The following GLIS3 variants were observed in gnomAD, a reference collection of about 807,000 sequenced individuals.
GLIS3 encodes GLIS family zinc finger 3.
A neutral mutation model predicts 78.6 loss-of-function variants in GLIS3; 53 were observed. The observed-to-expected ratio is 0.67, with a 90% CI of 0.54 to 0.85. GLIS3 has a LOEUF of 0.85. Ranked by LOEUF, GLIS3 falls within the 40% of genes least tolerant of loss-of-function variation. The pLI is 0.00. For synonymous variants in GLIS3, 684 were observed against 509.9 expected (o/e 1.34, Z -4.60); for missense variants, 1,703 against 1,231.1 (o/e 1.38, Z -5.74).
intron 2 of GLIS3, chr9:4,145,005 C>T (rs1457631961): frequency 6.6e-6 from 1 of 152,202 alleles, no homozygotes; most frequent in Non-Finnish European, 1.5e-5. Flanking sequence ...TTGTTTTTAA[C>T]AACTGCAGAA....
chr9:4,129,596 C>T (rs471523), intron 2 of GLIS3, among the ~76,000 whole-genome samples: 6,919 of 152,260 alleles, frequency 0.045, 175 homozygotes, highest in Admixed American at 0.075. Context: ...CCTGTTTCCC[C>T]TTCGCCTTCC....
intron 2 of GLIS3, among the ~76,000 whole-genome samples, chr9:4,221,364 G>T (rs989078194): frequency 6.6e-6 from 1 of 152,080 alleles, no homozygotes; most frequent in Admixed American, 6.6e-5. Flanking sequence ...AAATATATTG[G>T]TAACAAATGA....
chr9:4,278,634 G>A (rs564580490), intron 2 of GLIS3, among the ~76,000 whole-genome samples: 1 of 152,162 alleles, frequency 6.6e-6, no homozygotes, highest in Non-Finnish European at 1.5e-5. Flanking sequence ...AAACATAGCA[G>A]GAATAAAAGA....
the GLIS3 span, among the ~76,000 whole-genome samples, chr9:4,466,997 C>A: frequency 2.0e-5 from 3 of 152,250 alleles, no homozygotes; most frequent in Admixed American, 6.5e-5. Context: ...CCGCACCTGG[C>A]TCGGCGGGTC....
rs528579514 is a variant in GLIS3 at position 4,025,322 on chromosome 9, C to T, written c.1711-88133G>A. ...AATAAAGGATGAGCAAATGGATGGACGGAAAAATAAAGCCTCTAGATATCA... is the reference window on the plus strand; with the variant it reads ...AATAAAGGATGAGCAAATGGATGGATGGAAAAATAAAGCCTCTAGATATCA... On this transcript the variant is annotated intron_variant, in intron 4 of 10. Coordinates refer to ENST00000381971, the MANE Select transcript of GLIS3 (RefSeq NM_001042413.2). Among the ~76,000 whole-genome samples the T allele has an allele frequency of 1.1e-4, 16 of 152,148 alleles. 1 individual carries two copies. The highest frequency in any genetic ancestry group is 2.4e-4 in the African/African-American group (10 of 41,510).
chr9:4,452,853 G>A, the GLIS3 span, among the ~76,000 whole-genome samples: 2 of 152,024 alleles, frequency 1.3e-5, no homozygotes, highest in African/African-American at 2.4e-5. Context: ...CCATATAGCC[G>A]AGACAACCCT....
At chr9:3,891,366 C>T (rs1001151454) in intron 7 of GLIS3, among the ~76,000 whole-genome samples, 5 of 151,918 alleles carry the variant, frequency 3.3e-5, no homozygotes, top group African/African-American at 7.3e-5. Context: ...TTGGCTAAAG[C>T]GATGATCACA....
intron 2 of GLIS3, among the ~76,000 whole-genome samples, chr9:4,211,313 G>T (rs74526649): frequency 0.11 from 17,180 of 152,172 alleles, 1,084 homozygotes; most frequent in African/African-American, 0.16. Flanking sequence ...ATTCTCACTG[G>T]ATGGCTGTCA....
chr9:4,088,202 C>A (rs1334033353), intron 4 of GLIS3, among the ~76,000 whole-genome samples: 1 of 152,330 alleles, frequency 6.6e-6, no homozygotes, highest in Admixed American at 6.5e-5. Context: ...TCATGTACCT[C>A]AATCCTTCTA....
the GLIS3 span, among the ~76,000 whole-genome samples, chr9:4,427,490 G>A: frequency 2.0e-5 from 3 of 152,142 alleles, no homozygotes; most frequent in Non-Finnish European, 2.9e-5. Context: ...CCTTGAGCCT[G>A]AAGCCCAGTC....
At chr9:4,437,296 G>A in the GLIS3 span, among the ~76,000 whole-genome samples, 1 of 152,114 alleles carries the variant, frequency 6.6e-6, no homozygotes, top group Non-Finnish European at 1.5e-5. Flanking sequence ...AAACCACAAG[G>A]AAATAAAAGA....
At position 3,859,350 on chromosome 9, in the gene GLIS3, AACACACACACACACAC is replaced by A. The variant is rs34973607; in HGVS notation, c.2298-3182_2298-3167del. Among the ~76,000 whole-genome samples the A allele has an allele frequency of 4.5e-4, 67 of 148,964 alleles. No homozygotes were observed. The Middle Eastern group carries it at 0.01, about 23-fold the overall frequency. On this transcript the variant is annotated intron_variant, in intron 8 of 10. Transcript: ENST00000381971. Reference sequence around the variant, plus strand: ...CTACTTTCCAACCCTGTTTCTTCGAAACACACACACACACACACACACACACACACACACACACACA... The same window carrying A: ...CTACTTTCCAACCCTGTTTCTTCGAAACACACACACACACACACACACACA...
chr9:4,215,028 G>T (rs193257227), intron 2 of GLIS3, among the ~76,000 whole-genome samples: 75 of 152,288 alleles, frequency 4.9e-4, no homozygotes, highest in African/African-American at 1.8e-3. Flanking sequence ...ACAGTGATTA[G>T]AACAAAAACG....
intron 2 of GLIS3, among the ~76,000 whole-genome samples, chr9:4,342,363 C>CA (rs1817847170): frequency 6.6e-6 from 1 of 152,196 alleles, no homozygotes; most frequent in African/African-American, 2.4e-5. Flanking sequence ...TCGCTTTCCC[C>CA]ATTGCCTGTT....
the GLIS3 span, among the ~76,000 whole-genome samples, chr9:4,485,778 T>G: frequency 6.6e-6 from 1 of 150,630 alleles, no homozygotes; most frequent in Non-Finnish European, 1.5e-5. Flanking sequence ...TGGAGTGCAA[T>G]GTCGCAATCT....
chr9:4,189,819 C>T (rs1818161771), intron 2 of GLIS3, among the ~76,000 whole-genome samples: 1 of 151,350 alleles, frequency 6.6e-6, no homozygotes, highest in Non-Finnish European at 1.5e-5. Context: ...ATTGCAACCC[C>T]TGCCTTTTTT....
At chr9:4,448,745 G>A in the GLIS3 span, among the ~76,000 whole-genome samples, 1 of 152,180 alleles carries the variant, frequency 6.6e-6, no homozygotes, top group Non-Finnish European at 1.5e-5. Context: ...CTAGCACCAT[G>A]CTGAATTGAA....
chr9:4,225,664 T>G (rs1821707497), intron 2 of GLIS3, among the ~76,000 whole-genome samples: 1 of 152,160 alleles, frequency 6.6e-6, no homozygotes, highest in African/African-American at 2.4e-5. Flanking sequence ...TCACGGTACT[T>G]CAACCACATC....
chr9:4,473,855 G>A, the GLIS3 span, among the ~76,000 whole-genome samples: 2 of 152,056 alleles, frequency 1.3e-5, no homozygotes, highest in Non-Finnish European at 2.9e-5. Context: ...CTTAGATACT[G>A]AGAGAAAAAC....
Sources: allele counts gnomAD v4.1 joint callset (sites outside exome capture counted in the v4.1 genomes callset), GRCh38; gene constraint gnomAD v4.1.1; transcripts MANE v1.5; gene names NCBI Gene and HGNC (gene_info 2026-07-23, HGNC 2026-07-21).